The following ZNF608 variants were observed in gnomAD, a reference collection of about 807,000 sequenced individuals.
ZNF608 encodes the protein zinc finger protein 608.
In ZNF608, 12 loss-of-function variants were observed where a neutral mutation model predicts 109.0. The ratio of observed to expected loss-of-function variants is 0.11; its 90% CI spans 0.07 to 0.18. The LOEUF is 0.18. ZNF608 is among the 10% of genes least tolerant of loss of function. The pLI is 1.00. For synonymous variants in ZNF608, 732 were observed against 717.4 expected, an observed-to-expected ratio of 1.02 and a Z score of -0.33; for missense variants, 1,707 against 1,879.3, an observed-to-expected ratio of 0.91 and a Z score of 1.70.
Position 124,745,093 on chromosome 5 carries a change from T to G in ZNF608, c.-104A>C. The G allele has an allele frequency of 6.8e-7, 1 of 1,463,168 alleles. No homozygotes were observed. The highest frequency in any genetic ancestry group is 9.0e-7 in the Non-Finnish European group (1 of 1,116,928). The allele number at this position is 1,463,168 out of a possible 1,614,324, so 90.6% of individuals were successfully genotyped here. A position where few individuals can be genotyped will look rare whatever the true frequency, so the allele number is the denominator to read the frequency against. On this transcript the variant is annotated 5_prime_UTR_variant, in exon 2 of 10. Transcript: ENST00000513986. ...GGCTTTCTCTCAAAGAAAAAAAAAA[T>G]CTTCTAATCTTCCTCTTCTTTTTCC...
chr5:124,679,676 C>A (rs559273671), intron 3 of ZNF608, among the ~76,000 whole-genome samples: 1 of 152,296 alleles, frequency 6.6e-6, no homozygotes, highest in African/African-American at 2.4e-5. Flanking sequence ...AAGCACCTTT[C>A]TAGGCTGAGA....
intron 2 of ZNF608, among the ~76,000 whole-genome samples, chr5:124,726,008 A>G (rs1754122524): frequency 6.6e-6 from 1 of 152,066 alleles, no homozygotes. Context: ...CTCTAATCAA[A>G]CTTTTTATTT....
chr5:124,722,742 A>G (rs928413272), intron 2 of ZNF608, among the ~76,000 whole-genome samples: 2 of 152,126 alleles, frequency 1.3e-5, no homozygotes, highest in Non-Finnish European at 2.9e-5. Flanking sequence ...AAATGCATAC[A>G]AAGGAGCCAA....
chr5:124,722,163 A>C (rs1753951546), intron 2 of ZNF608, among the ~76,000 whole-genome samples: 1 of 152,010 alleles, frequency 6.6e-6, no homozygotes, highest in Non-Finnish European at 1.5e-5. Context: ...GCACAAGAGC[A>C]ACATGGCAAT....
chr5:124,650,413 T>C (rs1287238548), intron 3 of ZNF608, among the ~76,000 whole-genome samples: 1 of 152,248 alleles, frequency 6.6e-6, no homozygotes. Flanking sequence ...CTCTTGGGGT[T>C]ATCTTTGGAG....
intron 2 of ZNF608, among the ~76,000 whole-genome samples, chr5:124,703,313 G>A (rs4379187): frequency 0.02 from 3,002 of 152,220 alleles, 71 homozygotes; most frequent in African/African-American, 0.059. Flanking sequence ...GTCTTATAGC[G>A]TATCAGTTCT....
chr5:124,741,394 GAAAAAAAAAA>G (rs34192958), intron 2 of ZNF608, among the ~76,000 whole-genome samples: 1 of 68,420 alleles, frequency 1.5e-5, no homozygotes, highest in African/African-American at 5.7e-5. Context: ...CTTCCAACCA[GAAAAAAAAAA>G]AAAAAAAAAA....
chr5:124,721,359 C>T (rs576630560), intron 2 of ZNF608, among the ~76,000 whole-genome samples: 1 of 152,160 alleles, frequency 6.6e-6, no homozygotes, highest in Non-Finnish European at 1.5e-5. Context: ...CAAATATTGA[C>T]TGAGCATTTC....
Position 124,637,801 on chromosome 5 carries a change from G to C in ZNF608, c.*99C>G. On this transcript the variant is annotated 3_prime_UTR_variant, in exon 10 of 10. Coordinates refer to ENST00000513986, the MANE Select transcript of ZNF608 (RefSeq NM_020747.3). ...AAAATGAAATGACTGGTTTTTGCCT[G>C]CCATTAAGGCATTTCAAATTAACAC... 7 of 1,256,718 alleles carry C rather than the reference G, an allele frequency of 5.6e-6. No homozygotes were observed. In the South Asian group the frequency reaches 9.7e-5, roughly 17 times the overall value. 77.8% of individuals were successfully genotyped at this position (1,256,718 alleles called of 1,614,324 possible).
chr5:124,698,027 C>G (rs1322426398), intron 3 of ZNF608, among the ~76,000 whole-genome samples: 1 of 152,206 alleles, frequency 6.6e-6, no homozygotes, highest in Non-Finnish European at 1.5e-5. Context: ...ATCTACAGGA[C>G]ATTAGTCAAA....
intron 8 of ZNF608, among the ~76,000 whole-genome samples, chr5:124,639,989 T>C (rs775546089): frequency 9.9e-5 from 15 of 152,248 alleles, no homozygotes; most frequent in Non-Finnish European, 2.1e-4. Context: ...AGATATAATG[T>C]GTTAGACTAG....
chr5:124,737,721 A>T (rs1316384690), intron 2 of ZNF608, among the ~76,000 whole-genome samples: 10 of 152,210 alleles, frequency 6.6e-5, no homozygotes, highest in Non-Finnish European at 4.4e-5. Context: ...AATATGCAAA[A>T]TTCAGCTTTA....
chr5:124,668,711 G>A (rs13162151), intron 3 of ZNF608, among the ~76,000 whole-genome samples: 20,288 of 152,112 alleles, frequency 0.13, 1,440 homozygotes, highest in East Asian at 0.22. Flanking sequence ...ACACAGCTGG[G>A]AGGCCTGACC....
chr5:124,710,628 A>G (rs185445066), intron 2 of ZNF608: 4 of 155,126 alleles, frequency 2.6e-5, no homozygotes, highest in Non-Finnish European at 2.9e-5. Flanking sequence ...TATATTCAAC[A>G]TATGTCCAAG....
intron 4 of ZNF608, 123 bp from the exon 5 acceptor site, chr5:124,649,256 A>G (rs996214503): frequency 2.3e-5 from 18 of 767,952 alleles, no homozygotes; most frequent in Non-Finnish European, 3.5e-5. Flanking sequence ...GGCCCAGTCA[A>G]GGAAAAGACT....
chr5:124,673,951 A>G (rs1751834307), intron 3 of ZNF608, among the ~76,000 whole-genome samples: 1 of 152,172 alleles, frequency 6.6e-6, no homozygotes, highest in African/African-American at 2.4e-5. Flanking sequence ...TAATTATTCA[A>G]AAGATAGTAT....
intron 3 of ZNF608, among the ~76,000 whole-genome samples, chr5:124,651,590 A>T (rs1750779283): frequency 6.6e-6 from 1 of 152,272 alleles, no homozygotes; most frequent in African/African-American, 2.4e-5. Flanking sequence ...ACATGAAAGA[A>T]ACAACAAACC....
chr5:124,681,697 T>C (rs1302141418), intron 3 of ZNF608, among the ~76,000 whole-genome samples: 1 of 152,192 alleles, frequency 6.6e-6, no homozygotes, highest in Non-Finnish European at 1.5e-5. Flanking sequence ...TGTAGTGTAC[T>C]AGGACCATGC....
At position 124,664,396 on chromosome 5, in the gene ZNF608, G is replaced by A. The variant is rs556981511; in HGVS notation, c.1163-14699C>T. ...GGCTTCCTCTGAAGCTTAAAAGAAG[G>A]CAATTCAAAACTAATAAAATAAGCA... On this transcript the variant is annotated intron_variant, in intron 3 of 9. Coordinates refer to ENST00000513986, the MANE Select transcript of ZNF608 (RefSeq NM_020747.3). 2.0e-5 allele frequency among the ~76,000 whole-genome samples: 3 copies of A among 152,236 alleles called. No homozygotes were observed. In the East Asian group the frequency reaches 5.8e-4, roughly 29 times the overall value.
Sources: allele counts gnomAD v4.1 joint callset (sites outside exome capture counted in the v4.1 genomes callset), GRCh38; gene constraint gnomAD v4.1.1; transcripts MANE v1.5; gene names NCBI Gene and HGNC (gene_info 2026-07-23, HGNC 2026-07-21).